COX4I2: variants seen among roughly 807,000 people sequenced by gnomAD.
COX4I2 encodes cytochrome c oxidase subunit 4I2.
In COX4I2, 15 loss-of-function variants were observed where a neutral mutation model predicts 20.8. That is an observed-to-expected ratio of 0.72 (90% CI 0.48 to 1.11). The LOEUF (loss-of-function observed/expected upper bound fraction) is 1.11. COX4I2 is among the 50% of genes most tolerant of loss of function. The pLI, the probability that COX4I2 is intolerant of heterozygous loss-of-function variation, is 0.00. For missense variants in COX4I2, 224 were observed against 223.0 expected (o/e 1.00, Z -0.03); for synonymous variants, 80 against 78.1 (o/e 1.02, Z -0.13).
rs1157632292 is a variant in COX4I2 at position 31,639,025 on chromosome 20, C to T, written c.8C>T (p.Pro3Leu). ...ATACCTTCACGCCCCCAGATGCTCC[C>T]CAGAGCTGCCTGGAGCTTGGTGCTG... MLPRAAWSLVLRK... is the reference protein window; with the variant it reads MLLRAAWSLVLRK... The change falls in exon 2 of 5, where the codon CCC (proline) becomes CTC (leucine). Residue 3 changes from proline to leucine, a missense_variant. By Grantham distance (98) the Pro-to-Leu change is moderately conservative. Transcript: ENST00000376075. 8.1e-6 allele frequency: 13 copies of T among 1,610,806 alleles called. No individual in the cohort carries two copies. The highest frequency in any genetic ancestry group is 1.1e-5 in the Non-Finnish European group (13 of 1,178,870).
intron 2 of COX4I2, chr20:31,639,312 C>T: frequency 4.1e-6 from 4 of 984,156 alleles, no homozygotes; most frequent in Non-Finnish European, 4.8e-6. Flanking sequence ...CCATTCCAAG[C>T]TTCCTTAGGA....
chr20:31,640,241 T>A, intron 3 of COX4I2, 144 bp downstream of exon 3: 1 of 843,904 alleles, frequency 1.2e-6, no homozygotes, highest in African/African-American at 1.7e-5. Flanking sequence ...GTTCATGCCT[T>A]TGTTCGTTTC....
At chr20:31,642,228 T>C (rs1260731251) in intron 3 of COX4I2, among the ~76,000 whole-genome samples, 2 of 152,128 alleles carry the variant, frequency 1.3e-5, no homozygotes, top group African/African-American at 2.4e-5. Flanking sequence ...CCTGTGTCTA[T>C]GCATGGCTCT....
At chr20:31,642,784 AT>A (rs1384870810) in intron 3 of COX4I2, among the ~76,000 whole-genome samples, 2 of 151,936 alleles carry the variant, frequency 1.3e-5, no homozygotes, top group Non-Finnish European at 2.9e-5. Context: ...GTCTCGCTTT[AT>A]TGCCTAGGAT....
chr20:31,644,539 G>A (rs976271481), intron 4 of COX4I2, among the ~76,000 whole-genome samples: 1 of 152,150 alleles, frequency 6.6e-6, no homozygotes, highest in Non-Finnish European at 1.5e-5. Context: ...GGGGTCTAAG[G>A]CAAAGCTGGG....
At chr20:31,639,424 T>G in intron 2 of COX4I2, 1 of 357,484 alleles carries the variant, frequency 2.8e-6, no homozygotes, top group Non-Finnish European at 3.9e-6. Context: ...CTAGTTTCAA[T>G]GCTAGTAAGA....
At position 31,643,515 on chromosome 20, in the gene COX4I2, T is replaced by A. The variant is rs560370434; in HGVS notation, c.359T>A (p.Ile120Asn). 2 of 1,614,106 alleles carry A rather than the reference T, an allele frequency of 1.2e-6. No homozygotes were observed. The highest frequency in any genetic ancestry group is 2.2e-5 in the South Asian group (2 of 91,082). The change falls in exon 4 of 5, where the codon ATT becomes AAT. Residue 120 changes from isoleucine to asparagine, a missense_variant. Ile to Asn is a moderately radical substitution (Grantham distance 149). Coordinates refer to ENST00000376075, the MANE Select transcript of COX4I2 (RefSeq NM_032609.3). ...FFFIGFAALV[I>N]WWQRVYVFPP... ...TTCATTGGATTCGCAGCTCTGGTGA[T>A]TTGGTGGCAGCGGGTCTACGGTGAG...
chr20:31,640,199 A>G, intron 3 of COX4I2, 102 bp downstream of exon 3: 1 of 1,285,142 alleles, frequency 7.8e-7, no homozygotes, highest in Non-Finnish European at 1.1e-6. Context: ...CCCCCAAGAC[A>G]GCCAGAAACC....
At position 31,644,832 on chromosome 20, in the gene COX4I2, G is replaced by C; in HGVS notation, c.444G>C (p.Leu148=). Residue 148 remains leucine (L), a synonymous_variant, in exon 5 of 5, where the codon CTG becomes CTC. Transcript: ENST00000376075. ...ERKAQQLQRM[L]DMKVNPVQGL... ...AAGCCCAGCAGCTGCAGCGCATGCT[G>C]GACATGAAGGTGAATCCTGTGCAGG... 1 of 1,614,054 alleles carries C rather than the reference G, an allele frequency of 6.2e-7. No homozygotes were observed. Among genetic ancestry groups the C allele is most frequent in the Non-Finnish European group, 8.5e-7 (1 of 1,180,006 alleles).
chr20:31,640,358 G>A (rs1342868078), intron 3 of COX4I2, among the ~76,000 whole-genome samples: 1 of 152,166 alleles, frequency 6.6e-6, no homozygotes, highest in East Asian at 1.9e-4. Context: ...GGTCCCGTGG[G>A]GAAAACCAAT....
In COX4I2 at chr20:31,643,525, G is replaced by T. The variant is rs2060479993; in HGVS notation, c.369G>T (p.Gln123His). ...IGFAALVIWWQRVYVFPPKPI... is the reference protein window; with the variant it reads ...IGFAALVIWWHRVYVFPPKPI... Reference sequence around the variant, plus strand: ...TCGCAGCTCTGGTGATTTGGTGGCAGCGGGTCTACGGTGAGTGGCAACACC... The same window carrying T: ...TCGCAGCTCTGGTGATTTGGTGGCATCGGGTCTACGGTGAGTGGCAACACC... Residue 123 changes from glutamine to histidine, a missense_variant, in exon 4 of 5, where the codon CAG becomes CAT. By Grantham distance (24) the Gln-to-His change is conservative (BLOSUM62 0). Transcript: ENST00000376075. 6.2e-7 allele frequency: 1 copy of T among 1,614,176 alleles called. No individual in the cohort carries two copies. Among genetic ancestry groups the T allele is most frequent in the Non-Finnish European group, 8.5e-7 (1 of 1,180,024 alleles).
At chr20:31,638,938 G>A (rs919512354) in intron 1 of COX4I2, 80 bp from the exon 2 acceptor site, 2 of 1,406,680 alleles carry the variant, frequency 1.4e-6, no homozygotes, top group Non-Finnish European at 2.0e-6. Context: ...CAGTGGAAAA[G>A]GATTTTTCCA....
intron 2 of COX4I2, among the ~76,000 whole-genome samples, 187 bp from the exon 3 acceptor site, chr20:31,639,746 A>G (rs962680765): frequency 7.9e-5 from 12 of 151,726 alleles, no homozygotes; most frequent in African/African-American, 1.9e-4. Flanking sequence ...TTAGTAGAGG[A>G]GAGGTTTTAC....
At chr20:31,638,756 C>A (rs1305470518) in intron 1 of COX4I2, among the ~76,000 whole-genome samples, 2 of 152,028 alleles carry the variant, frequency 1.3e-5, no homozygotes, top group Non-Finnish European at 2.9e-5. Context: ...AGACCCTGGC[C>A]CAAGACTTAG....
intron 3 of COX4I2, 121 bp from the exon 4 acceptor site, chr20:31,643,283 A>C (rs959856287): frequency 2.6e-6 from 3 of 1,141,180 alleles, no homozygotes; most frequent in Non-Finnish European, 4.0e-6. Flanking sequence ...CATGCTGTGC[A>C]TATAGTACGT....
At chr20:31,638,426 G>C (rs1176130449) in intron 1 of COX4I2, among the ~76,000 whole-genome samples, 5 of 150,682 alleles carry the variant, frequency 3.3e-5, no homozygotes, top group African/African-American at 1.2e-4. Flanking sequence ...CAAACCCTGA[G>C]TCTTCCCTGG....
intron 3 of COX4I2, among the ~76,000 whole-genome samples, chr20:31,642,431 ATTTTTTTTTT>A (rs57483570): frequency 1.1e-5 from 1 of 88,840 alleles, no homozygotes; most frequent in African/African-American, 5.5e-5. Context: ...ACGTAGGGTA[ATTTTTTTTTT>A]TTTTTTTTTT....
At chr20:31,639,343 C>T in intron 2 of COX4I2, 1 of 939,426 alleles carries the variant, frequency 1.1e-6, no homozygotes, top group African/African-American at 1.8e-5. Context: ...AAGCCTCAGG[C>T]CCCTAGACCT....
intron 3 of COX4I2, 70 bp downstream of exon 3, chr20:31,640,167 G>T: frequency 6.7e-7 from 1 of 1,500,086 alleles, no homozygotes; most frequent in Non-Finnish European, 9.0e-7. Context: ...TGGCCTGTCA[G>T]GGATCAGAGG....
Sources: allele counts gnomAD v4.1 joint callset (sites outside exome capture counted in the v4.1 genomes callset), GRCh38; gene constraint gnomAD v4.1.1; transcripts MANE v1.5; gene names NCBI Gene and HGNC (gene_info 2026-07-23, HGNC 2026-07-21).